The following ROBO2 variants were observed in gnomAD, a reference collection of about 807,000 sequenced individuals.
The protein encoded by ROBO2 is roundabout guidance receptor 2, also known as roundabout homolog 2.
A neutral mutation model predicts 160.8 loss-of-function variants in ROBO2; 53 were observed. The ratio of observed to expected loss-of-function variants is 0.33; its 90% CI spans 0.26 to 0.41. The LOEUF (loss-of-function observed/expected upper bound fraction) is 0.41. Among genes scored for constraint, ROBO2 ranks in the 10% least tolerant of loss-of-function variants. ROBO2 has a pLI of 1.00. For missense variants in ROBO2, 1,577 were observed against 1,722.4 expected, an observed-to-expected ratio of 0.92 and a Z score of 1.49; for synonymous variants, 664 against 611.7, an observed-to-expected ratio of 1.09 and a Z score of -1.26.
chr3:76,974,645 T>C (rs750141941), intron 2 of ROBO2, among the ~76,000 whole-genome samples: 17 of 152,202 alleles, frequency 1.1e-4, no homozygotes, highest in Non-Finnish European at 2.1e-4. Context: ...ACCTCTCTGA[T>C]ATTGCATTTG....
chr3:77,502,522 G>A (rs555240420), intron 5 of ROBO2, among the ~76,000 whole-genome samples: 1 of 152,038 alleles, frequency 6.6e-6, no homozygotes, highest in African/African-American at 2.4e-5. Flanking sequence ...ACTATATTGG[G>A]TAAGAAAAAA....
chr3:76,393,347 A>T (rs972116551), intron 2 of ROBO2, among the ~76,000 whole-genome samples: 5 of 152,184 alleles, frequency 3.3e-5, no homozygotes, highest in African/African-American at 1.2e-4. Context: ...TTTGAGAAGA[A>T]TTTGAACACT....
rs145075449 is a variant in ROBO2 at position 76,656,140 on chromosome 3, G to T, written c.110-441874G>T. On this transcript the variant is annotated intron_variant, in intron 2 of 26. Transcript: ENST00000487694. ...AAAATGTATATAATAAGTTGCTCAT[G>T]ATGGAGTTTTAGGAAGAAGTTCTTG... Among the ~76,000 whole-genome samples, 790 of 152,228 alleles carry T rather than the reference G, an allele frequency of 5.2e-3. 28 individuals are homozygous for T. The highest frequency in any genetic ancestry group is 0.046 in the Admixed American group (709 of 15,286).
intron 2 of ROBO2, among the ~76,000 whole-genome samples, chr3:76,949,882 A>G (rs982718642): frequency 1.2e-4 from 19 of 152,298 alleles, no homozygotes; most frequent in Admixed American, 2.6e-4. Context: ...TATTTAATCT[A>G]TCTATTTAAT....
intron 2 of ROBO2, among the ~76,000 whole-genome samples, chr3:77,232,491 A>T (rs2087353103): frequency 6.6e-6 from 1 of 152,214 alleles, no homozygotes; most frequent in South Asian, 2.1e-4. Flanking sequence ...GTTTGAGGAC[A>T]TGGGAAATGA....
At chr3:77,044,897 C>G (rs961199415) in intron 1 of ROBO2, among the ~76,000 whole-genome samples, 2 of 152,102 alleles carry the variant, frequency 1.3e-5, no homozygotes, top group African/African-American at 4.8e-5. Context: ...AAAGGTTCTC[C>G]AGGTATAGAT....
intron 2 of ROBO2, among the ~76,000 whole-genome samples, chr3:77,419,114 A>C (rs1029457329): frequency 6.6e-6 from 1 of 152,070 alleles, no homozygotes; most frequent in Non-Finnish European, 1.5e-5. Context: ...TATTGTTTCA[A>C]TTTATTTTAG....
intron 2 of ROBO2, among the ~76,000 whole-genome samples, chr3:76,593,376 TTCAG>T (rs1330072787): frequency 6.6e-6 from 1 of 152,060 alleles, no homozygotes; most frequent in African/African-American, 2.4e-5. Context: ...AGACTATCAG[TTCAG>T]ATCTGAGAGC....
chr3:76,397,157 A>T (rs1276298477), intron 2 of ROBO2, among the ~76,000 whole-genome samples: 1 of 152,206 alleles, frequency 6.6e-6, no homozygotes, highest in African/African-American at 2.4e-5. Context: ...CAGAGCCCTC[A>T]GAAGTAACGC....
chr3:76,754,716 A>G (rs192407703), intron 2 of ROBO2, among the ~76,000 whole-genome samples: 3 of 152,006 alleles, frequency 2.0e-5, no homozygotes, highest in East Asian at 3.9e-4. Flanking sequence ...CCTCAAGGTT[A>G]TTGCTAATAA....
At chr3:77,417,224 G>A (rs2077313589) in intron 2 of ROBO2, among the ~76,000 whole-genome samples, 1 of 118,610 alleles carries the variant, frequency 8.4e-6, no homozygotes, top group African/African-American at 3.4e-5. Context: ...GGGTAGCAGG[G>A]TAACCACTTT....
At chr3:77,169,923 T>G (rs2079470756) in intron 2 of ROBO2, among the ~76,000 whole-genome samples, 1 of 152,118 alleles carries the variant, frequency 6.6e-6, no homozygotes, top group South Asian at 2.1e-4. Context: ...GGATGGCATC[T>G]GACAGTGATG....
chr3:76,402,629 G>C (rs964419865), intron 2 of ROBO2, among the ~76,000 whole-genome samples: 4 of 151,506 alleles, frequency 2.6e-5, no homozygotes, highest in Admixed American at 6.6e-5. Context: ...GATAAATTCA[G>C]TTGCTTGAGG....
rs570514638 is a variant in ROBO2, at chr3:76,885,863, C to G, written c.110-212151C>G. Among the ~76,000 whole-genome samples, 6 of 152,210 alleles carry G rather than the reference C, an allele frequency of 3.9e-5. 1 individual carries two copies. The South Asian group carries it at 1.2e-3, about 32-fold the overall frequency. ...GCCTCCTTCATGTTTTCCTCTTGTT[C>G]CTGAGACAAGAGATGCAACTGGGAC... On this transcript the variant is annotated intron_variant, in intron 2 of 26. Coordinates refer to the ROBO2 transcript ENST00000487694.
At chr3:77,386,163 A>C (rs2074077379) in intron 2 of ROBO2, among the ~76,000 whole-genome samples, 1 of 152,200 alleles carries the variant, frequency 6.6e-6, no homozygotes, top group Non-Finnish European at 1.5e-5. Context: ...AACCATCAGA[A>C]GTGCATATTA....
At chr3:77,363,844 G>A (rs2070425562) in intron 2 of ROBO2, among the ~76,000 whole-genome samples, 2 of 152,104 alleles carry the variant, frequency 1.3e-5, no homozygotes, top group African/African-American at 4.8e-5. Context: ...CTGCCTTGGA[G>A]AAGACGAATT....
intron 2 of ROBO2, among the ~76,000 whole-genome samples, chr3:76,852,957 AG>A (rs1283287561): frequency 6.6e-6 from 1 of 152,128 alleles, no homozygotes; most frequent in Non-Finnish European, 1.5e-5. Context: ...TTAGTTATTA[AG>A]GGATTGTGTA....
exon 26 of ROBO2, chr3:77,646,864 A>C (rs528212121): frequency 6.5e-6 from 1 of 152,712 alleles, no homozygotes; most frequent in East Asian, 1.9e-4. Context: ...ATTTAGAATC[A>C]ATTTTACCTG....
intron 1 of ROBO2, among the ~76,000 whole-genome samples, chr3:75,934,378 AG>A (rs1450848446): frequency 1.3e-5 from 2 of 152,236 alleles, no homozygotes; most frequent in Middle Eastern, 3.2e-3. Context: ...ATGCACGAAA[AG>A]GGTGTTCCAA....
Sources: allele counts gnomAD v4.1 joint callset (sites outside exome capture counted in the v4.1 genomes callset), GRCh38; gene constraint gnomAD v4.1.1; transcripts MANE v1.5; gene names NCBI Gene and HGNC (gene_info 2026-07-23, HGNC 2026-07-21).